Variants in PCBP3 observed in about 807,000 individuals in gnomAD.
PCBP3 encodes the protein poly(rC) binding protein 3, also known as poly(rC)-binding protein 3.
In PCBP3, 25 loss-of-function variants were observed where a neutral mutation model predicts 52.7. The observed-to-expected ratio is 0.47, with a 90% CI of 0.35 to 0.66. The LOEUF (loss-of-function observed/expected upper bound fraction) is 0.66. Among genes scored for constraint, PCBP3 ranks in the 30% least tolerant of loss-of-function variants. The probability of loss-of-function intolerance (pLI) is 0.01; values close to 1 mark genes in which losing one functional copy is unlikely to be tolerated. For missense variants in PCBP3, 391 were observed against 490.3 expected, an observed-to-expected ratio of 0.80 and a Z score of 1.91; for synonymous variants, 162 against 183.0, an observed-to-expected ratio of 0.89 and a Z score of 0.93.
intron 6 of PCBP3, 94 bp from the exon 7 acceptor site, chr21:45,899,505 G>T: frequency 1.1e-6 from 1 of 904,290 alleles, no homozygotes; most frequent in Non-Finnish European, 1.8e-6. Context: ...CACTCATACC[G>T]GGAAGGTAGG....
At chr21:45,780,070 G>GA (rs1186205413) in intron 4 of PCBP3, among the ~76,000 whole-genome samples, 7 of 150,828 alleles carry the variant, frequency 4.6e-5, no homozygotes, top group Non-Finnish European at 8.9e-5. Context: ...ATATCCATGT[G>GA]AAAAAAAAAT....
intron 2 of PCBP3, among the ~76,000 whole-genome samples, chr21:45,734,105 T>G (rs2085668168): frequency 6.6e-6 from 1 of 152,220 alleles, no homozygotes; most frequent in Non-Finnish European, 1.5e-5. Flanking sequence ...AAAGTTCAGA[T>G]TTTTTGGCAG....
chr21:45,908,453 G>T (rs1458255280), intron 9 of PCBP3, among the ~76,000 whole-genome samples: 4 of 152,230 alleles, frequency 2.6e-5, no homozygotes, highest in African/African-American at 9.6e-5. Context: ...ATAGCAGTTT[G>T]TCCAGGCACA....
chr21:45,906,503 G>A (rs960903112), intron 9 of PCBP3, among the ~76,000 whole-genome samples: 1 of 152,112 alleles, frequency 6.6e-6, no homozygotes, highest in African/African-American at 2.4e-5. Context: ...CCTTCTTTTG[G>A]ATTTGGGGTC....
At chr21:45,868,242 C>T (rs1420185046) in intron 5 of PCBP3, among the ~76,000 whole-genome samples, 3 of 152,150 alleles carry the variant, frequency 2.0e-5, no homozygotes, top group East Asian at 3.9e-4. Flanking sequence ...GACAGGGGCA[C>T]CTCCCGGTGT....
chr21:45,661,870 A>C (rs1237315077), intron 1 of PCBP3, among the ~76,000 whole-genome samples: 7 of 152,082 alleles, frequency 4.6e-5, no homozygotes, highest in Non-Finnish European at 1.0e-4. Context: ...TTGTTGTTTT[A>C]ATTTGCATTT....
chr21:45,706,398 T>C (rs1023046346), intron 2 of PCBP3, among the ~76,000 whole-genome samples: 20 of 152,110 alleles, frequency 1.3e-4, no homozygotes, highest in Non-Finnish European at 1.0e-4. Context: ...CATTGGGGTG[T>C]GACAGGAGCT....
chr21:45,688,152 A>C lies in PCBP3; in HGVS notation c.-200+19200A>C, dbSNP rs1305166141. Among the ~76,000 whole-genome samples the C allele has an allele frequency of 2.6e-5, 4 of 152,152 alleles. No homozygotes were observed. In the East Asian group the frequency reaches 7.7e-4, roughly 29 times the overall value. On this transcript the variant is annotated intron_variant, in intron 2 of 17. Coordinates refer to ENST00000681687, the MANE Select transcript of PCBP3 (RefSeq NM_001384156.1). ...GAATTAAAAGTAGAAATAAGACAGCACTCTTTTTCCTGTACTAAAGCAAGT... is the reference window on the plus strand; with the variant it reads ...GAATTAAAAGTAGAAATAAGACAGCCCTCTTTTTCCTGTACTAAAGCAAGT...
chr21:45,709,934 T>A (rs544904926), intron 2 of PCBP3, among the ~76,000 whole-genome samples: 1 of 152,178 alleles, frequency 6.6e-6, no homozygotes, highest in African/African-American at 2.4e-5. Flanking sequence ...TTGTAGAATG[T>A]GCCTCATTTG....
chr21:45,804,909 A>G (rs1418365113), intron 4 of PCBP3, among the ~76,000 whole-genome samples: 2 of 151,948 alleles, frequency 1.3e-5, no homozygotes. Context: ...TTACCAGCTC[A>G]GAGCTGGGCA....
At chr21:45,706,145 C>T (rs1374799470) in intron 2 of PCBP3, among the ~76,000 whole-genome samples, 1 of 152,186 alleles carries the variant, frequency 6.6e-6, no homozygotes, top group Non-Finnish European at 1.5e-5. Context: ...AAACTTTCTC[C>T]TCCTGGAGCA....
intron 5 of PCBP3, chr21:45,872,009 A>G (rs918064700): frequency 6.6e-6 from 1 of 152,214 alleles, no homozygotes; most frequent in African/African-American, 2.4e-5. Flanking sequence ...TGAGTGAGCA[A>G]ACACCCCAGA....
At chr21:45,782,982 C>T (rs1433240686) in intron 4 of PCBP3, among the ~76,000 whole-genome samples, 1 of 152,198 alleles carries the variant, frequency 6.6e-6, no homozygotes, top group Non-Finnish European at 1.5e-5. Flanking sequence ...GTAGTTTGTA[C>T]TCCCACTAGC....
chr21:45,767,470 G>T (rs2089453862), intron 4 of PCBP3, among the ~76,000 whole-genome samples: 1 of 152,088 alleles, frequency 6.6e-6, no homozygotes, highest in South Asian at 2.1e-4. Flanking sequence ...CTGCTCTTCG[G>T]CTATTGTGAA....
At chr21:45,874,591 G>C (rs572802004) in intron 5 of PCBP3, among the ~76,000 whole-genome samples, 1 of 149,772 alleles carries the variant, frequency 6.7e-6, no homozygotes, top group East Asian at 2.0e-4. Flanking sequence ...CTGCAACCTC[G>C]GGCTCCCAGG....
chr21:45,717,970 C>T (rs986948489), intron 2 of PCBP3, among the ~76,000 whole-genome samples: 4 of 152,132 alleles, frequency 2.6e-5, no homozygotes, highest in Non-Finnish European at 1.5e-5. Context: ...TGGACTTTTC[C>T]TTGTGGAAAG....
chr21:45,738,798 G>A (rs1354235475), intron 3 of PCBP3, among the ~76,000 whole-genome samples: 10 of 125,694 alleles, frequency 8.0e-5, no homozygotes, highest in African/African-American at 3.1e-4. Flanking sequence ...ACCCCTTCTT[G>A]TCCATGGTCC....
At chr21:45,871,799 C>G (rs556146206) in intron 5 of PCBP3, 1 of 152,380 alleles carries the variant, frequency 6.6e-6, no homozygotes, top group African/African-American at 2.4e-5. Flanking sequence ...AGCCCCAGTT[C>G]CATGGAGGGA....
intron 14 of PCBP3, among the ~76,000 whole-genome samples, chr21:45,930,236 C>T (rs1216407136): frequency 6.6e-6 from 1 of 152,200 alleles, no homozygotes; most frequent in Non-Finnish European, 1.5e-5. Flanking sequence ...TTGCCATAGC[C>T]TTGCTTGTGA....
Sources: gnomAD v4.1 joint callset for allele counts (sites outside exome capture counted in the v4.1 genomes callset) on GRCh38, gnomAD v4.1.1 for gene constraint, MANE v1.5 for transcripts, NCBI Gene and HGNC (gene_info 2026-07-23, HGNC 2026-07-21) for gene names.